Variants in PDIA5 observed in about 807,000 individuals in gnomAD.
PDIA5 encodes the protein protein disulfide-isomerase A5.
A neutral mutation model predicts 77.6 loss-of-function variants in PDIA5; 58 were observed. That is an observed-to-expected ratio of 0.75 (90% CI 0.61 to 0.93). The LOEUF (loss-of-function observed/expected upper bound fraction) is 0.93. Among genes scored for constraint, PDIA5 ranks in the 40% least tolerant of loss-of-function variants. The probability of loss-of-function intolerance (pLI) is 0.00; values close to 1 mark genes in which losing one functional copy is unlikely to be tolerated. For synonymous variants in PDIA5, 250 were observed against 252.1 expected, an observed-to-expected ratio of 0.99 and a Z score of 0.08; for missense variants, 630 against 647.7, an observed-to-expected ratio of 0.97 and a Z score of 0.30.
intron 13 of PDIA5, among the ~76,000 whole-genome samples, chr3:123,147,424 A>G (rs1935796177): frequency 6.6e-6 from 1 of 152,154 alleles, no homozygotes; most frequent in Non-Finnish European, 1.5e-5. Context: ...TTGAACCTAT[A>G]CGGTCTGAGC....
intron 1 of PDIA5, among the ~76,000 whole-genome samples, chr3:123,085,380 C>A (rs1280499046): frequency 6.6e-6 from 1 of 152,122 alleles, no homozygotes; most frequent in Non-Finnish European, 1.5e-5. Flanking sequence ...CAGTGTCATG[C>A]CCAGTGATGG....
rs185733354 is a variant in PDIA5, at chr3:123,134,583, C to T, written c.910+3967C>T. 2.0e-3 allele frequency among the ~76,000 whole-genome samples: 307 copies of T among 152,346 alleles called. 1 individual carries two copies. Among genetic ancestry groups the T allele is most frequent in the Non-Finnish European group, 1.6e-3 (106 of 68,024 alleles). Reference sequence around the variant, plus strand: ...CTCTTCCCAGCACTCCTGCCACTCACTTCCCACCTCATCTGCCCCCATCTC... The same window carrying T: ...CTCTTCCCAGCACTCCTGCCACTCATTTCCCACCTCATCTGCCCCCATCTC... On this transcript the variant is annotated intron_variant, in intron 11 of 16. Coordinates refer to ENST00000316218, the MANE Select transcript of PDIA5 (RefSeq NM_006810.4).
chr3:123,102,783 C>G lies in PDIA5; in HGVS notation c.374C>G (p.Ala125Gly), dbSNP rs1421539247. Residue 125 changes from alanine (A) to glycine (G), a missense_variant, in exon 5 of 17, where the codon GCT becomes GGT. By Grantham distance (60) the Ala-to-Gly change is moderately conservative (BLOSUM62 0). Coordinates refer to ENST00000316218, the MANE Select transcript of PDIA5 (RefSeq NM_006810.4). ...DGAFHTEYNR[A>G]VTFKSIVAFL... ...GCATTTCATACTGAATATAACCGAGCTGTGACATTTAAGGTAAATTTACCT... is the reference window on the plus strand; with the variant it reads ...GCATTTCATACTGAATATAACCGAGGTGTGACATTTAAGGTAAATTTACCT... 1 of 1,608,906 alleles carries G rather than the reference C, an allele frequency of 6.2e-7. No individual in the cohort carries two copies. The highest frequency in any genetic ancestry group is 1.7e-5 in the Admixed American group (1 of 60,016).
At chr3:123,084,842 G>A (rs991051337) in intron 1 of PDIA5, among the ~76,000 whole-genome samples, 6 of 152,178 alleles carry the variant, frequency 3.9e-5, no homozygotes, top group African/African-American at 1.4e-4. Context: ...CAGCCACCCA[G>A]CAGGGCCCTC....
At chr3:123,131,280 C>T (rs1476703269) in intron 11 of PDIA5, among the ~76,000 whole-genome samples, 5 of 151,606 alleles carry the variant, frequency 3.3e-5, no homozygotes, top group East Asian at 1.9e-4. Flanking sequence ...ATTAGCCGGG[C>T]GTGGTGGCGT....
intron 15 of PDIA5, among the ~76,000 whole-genome samples, chr3:123,160,477 C>T (rs984333372): frequency 3.3e-5 from 5 of 152,206 alleles, no homozygotes; most frequent in Admixed American, 6.5e-5. Context: ...AGATGTGCTT[C>T]CCTGGTCTCC....
chr3:123,105,202 A>G (rs935533788), intron 5 of PDIA5, among the ~76,000 whole-genome samples: 2 of 152,186 alleles, frequency 1.3e-5, no homozygotes, highest in African/African-American at 4.8e-5. Context: ...CTTCTCCCTG[A>G]AAGCGTGTGT....
At chr3:123,115,181 G>A (rs1007300576) in intron 7 of PDIA5, among the ~76,000 whole-genome samples, 8 of 152,328 alleles carry the variant, frequency 5.3e-5, no homozygotes, top group African/African-American at 1.9e-4. Flanking sequence ...CTCTTCAGAT[G>A]CATCTTAAGC....
At chr3:123,148,494 G>A (rs1228197987) in intron 13 of PDIA5, among the ~76,000 whole-genome samples, 4 of 152,060 alleles carry the variant, frequency 2.6e-5, no homozygotes, top group African/African-American at 7.2e-5. Context: ...GCTTGAAGCC[G>A]GGAGGTTGAG....
rs567393501 is a variant in PDIA5, at chr3:123,155,476, C to T, written c.1344+435C>T. Among the ~76,000 whole-genome samples the T allele has an allele frequency of 5.9e-5, 9 of 152,306 alleles. No homozygotes were observed. The South Asian group carries it at 1.0e-3, about 18-fold the overall frequency. ...CTAAGTGAAAGGCTCCTGCAGCTGC[C>T]GACTGATGAAGCATAAAATTAACAA... On this transcript the variant is annotated intron_variant, in intron 15 of 16. Transcript: ENST00000316218.
chr3:123,116,362 C>CGGGGG, intron 8 of PDIA5, 64 bp downstream of exon 8: 3 of 898,182 alleles, frequency 3.3e-6, no homozygotes, highest in Non-Finnish European at 5.4e-6. Context: ...GGAAGGGTGC[C>CGGGGG]AGGGGTGGGG....
chr3:123,075,637 G>A lies in PDIA5; in HGVS notation c.42+8431G>A, dbSNP rs559055521. ...AGGGAGGAGAATGGGAGGAGCAGGG[G>A]AGATGGAAAATTCTGGCTGTGAGTG... On this transcript the variant is annotated intron_variant, in intron 1 of 16. Transcript: ENST00000316218. Among the ~76,000 whole-genome samples, 78 of 152,216 alleles carry A rather than the reference G, an allele frequency of 5.1e-4. No individual in the cohort carries two copies. In the South Asian group the frequency reaches 6.6e-3, roughly 13 times the overall value.
chr3:123,076,683 G>A (rs1246863035), intron 1 of PDIA5, among the ~76,000 whole-genome samples: 1 of 152,140 alleles, frequency 6.6e-6, no homozygotes, highest in Non-Finnish European at 1.5e-5. Flanking sequence ...GAGCTTGGAG[G>A]CAGAGTTGAT....
chr3:123,088,466 T>C (rs1436064569), intron 1 of PDIA5, among the ~76,000 whole-genome samples: 2 of 152,238 alleles, frequency 1.3e-5, no homozygotes, highest in African/African-American at 4.8e-5. Context: ...CTCTGTGTAT[T>C]TTATGCTTTG....
intron 1 of PDIA5, among the ~76,000 whole-genome samples, chr3:123,078,104 G>A (rs1369217958): frequency 2.6e-5 from 4 of 152,172 alleles, no homozygotes; most frequent in Non-Finnish European, 5.9e-5. Context: ...CACCGTGCCC[G>A]GCCTAAAATT....
At chr3:123,146,344 T>C in intron 13 of PDIA5, 85 bp downstream of exon 13, 1 of 1,155,424 alleles carries the variant, frequency 8.7e-7, no homozygotes, top group Non-Finnish European at 1.3e-6. Flanking sequence ...GTAAACTTTA[T>C]GGTCAATGTC....
At chr3:123,074,322 G>C (rs1933795542) in intron 1 of PDIA5, among the ~76,000 whole-genome samples, 1 of 152,222 alleles carries the variant, frequency 6.6e-6, no homozygotes, top group Non-Finnish European at 1.5e-5. Flanking sequence ...GAAAGAGAAA[G>C]TGTTAATATA....
At chr3:123,158,464 T>A (rs933451307) in intron 15 of PDIA5, among the ~76,000 whole-genome samples, 4 of 152,078 alleles carry the variant, frequency 2.6e-5, no homozygotes, top group African/African-American at 9.7e-5. Context: ...GAGAGGACCC[T>A]GGAAGTGAGA....
In PDIA5 at chr3:123,102,267, CA is replaced by C. The variant is rs34996892; in HGVS notation, c.258-143del. On this transcript the variant is annotated intron_variant, in intron 3 of 16. Transcript: ENST00000316218. ...GTTAGTCTCCACCCTCTAGCTCTCA[CA>C]GCCCATCTATAGTAAGGCCTTCATC... The C allele has an allele frequency of 4.9e-3, 3,275 of 664,596 alleles. 31 individuals are homozygous for C. Among genetic ancestry groups the C allele is most frequent in the South Asian group, 0.014 (781 of 56,300 alleles). The allele number at this position is 664,596 out of a possible 1,614,324, so 41.2% of individuals were successfully genotyped here. A position where few individuals can be genotyped will look rare whatever the true frequency, so the allele number is the denominator to read the frequency against.
Sources: allele counts gnomAD v4.1 joint callset (sites outside exome capture counted in the v4.1 genomes callset), GRCh38; gene constraint gnomAD v4.1.1; transcripts MANE v1.5; gene names NCBI Gene and HGNC (gene_info 2026-07-23, HGNC 2026-07-21).